Variants in ATXN1 observed in about 807,000 individuals in gnomAD.
ATXN1 encodes the protein ataxin-1.
A neutral mutation model predicts 56.4 loss-of-function variants in ATXN1; 8 were observed. The ratio of observed to expected loss-of-function variants is 0.14; its 90% CI spans 0.08 to 0.26. The LOEUF is 0.26. ATXN1 is among the 10% of genes least tolerant of loss of function. The pLI, the probability that ATXN1 is intolerant of heterozygous loss-of-function variation, is 1.00. For synonymous variants in ATXN1, 514 were observed against 494.6 expected (o/e 1.04, Z -0.52); for missense variants, 987 against 1,106.5 (o/e 0.89, Z 1.53).
At chr6:16,744,358 G>A (rs1157594193) in intron 2 of ATXN1, among the ~76,000 whole-genome samples, 2 of 152,190 alleles carry the variant, frequency 1.3e-5, no homozygotes, top group Non-Finnish European at 2.9e-5. Context: ...AGCCTGCTAC[G>A]TAGCAGAAAT....
At chr6:16,358,013 C>A (rs1197725098) in intron 6 of ATXN1, among the ~76,000 whole-genome samples, 1 of 152,118 alleles carries the variant, frequency 6.6e-6, no homozygotes, top group Non-Finnish European at 1.5e-5. Context: ...AGCACCAGTA[C>A]CCGGGAGGGA....
chr6:16,341,877 A>ATTTTTTTT (rs34092584), intron 6 of ATXN1, among the ~76,000 whole-genome samples: 3 of 86,860 alleles, frequency 3.5e-5, no homozygotes, highest in African/African-American at 9.8e-5. Flanking sequence ...TGTCTCAGTG[A>ATTTTTTTT]TTTTTTTTTT....
At chr6:16,641,394 T>A (rs1763703298) in intron 3 of ATXN1, among the ~76,000 whole-genome samples, 1 of 152,200 alleles carries the variant, frequency 6.6e-6, no homozygotes, top group Non-Finnish European at 1.5e-5. Flanking sequence ...AGCTAGTGAC[T>A]TTAGTTGAAG....
At chr6:16,609,809 G>C (rs1264003416) in intron 3 of ATXN1, among the ~76,000 whole-genome samples, 1 of 152,114 alleles carries the variant, frequency 6.6e-6, no homozygotes, top group Non-Finnish European at 1.5e-5. Flanking sequence ...ACTGGAAATA[G>C]AAACAAGTTT....
chr6:16,705,697 G>C (rs1003537906), intron 2 of ATXN1, among the ~76,000 whole-genome samples: 2 of 152,120 alleles, frequency 1.3e-5, no homozygotes, highest in Non-Finnish European at 2.9e-5. Context: ...CAAGGGGCCT[G>C]TCTGTCCTGG....
chr6:16,440,075 CA>C lies in ATXN1; in HGVS notation c.-161+45896del, dbSNP rs34556179. On this transcript the variant is annotated intron_variant, in intron 6 of 7. Coordinates refer to ENST00000436367, the MANE Select transcript of ATXN1 (RefSeq NM_001128164.2). ...GGGGGACAAGAGCAAGACTTCGTCT[CA>C]AAAAAAAAAAAAAATTGAAGTGGGG... Among the ~76,000 whole-genome samples, 519 of 111,680 alleles carry C rather than the reference CA, an allele frequency of 4.6e-3. 1 individual carries two copies. Among genetic ancestry groups the C allele is most frequent in the African/African-American group, 0.012 (351 of 30,016 alleles). 73.3% of individuals were successfully genotyped at this position (111,680 alleles called of 152,430 possible). A position where few individuals can be genotyped will look rare whatever the true frequency, so the allele number is the denominator to read the frequency against.
At chr6:16,454,253 C>T (rs72823524) in intron 6 of ATXN1, among the ~76,000 whole-genome samples, 2,417 of 151,934 alleles carry the variant, frequency 0.016, 64 homozygotes, top group Middle Eastern at 0.089. Context: ...AGACAAAATC[C>T]CTGCCATCAG....
At chr6:16,375,706 A>G (rs1181784299) in intron 6 of ATXN1, among the ~76,000 whole-genome samples, 1 of 152,044 alleles carries the variant, frequency 6.6e-6, no homozygotes, top group Non-Finnish European at 1.5e-5. Context: ...CTATGATACT[A>G]ATTTAAGAGT....
chr6:16,335,369 A>G (rs549126330), intron 6 of ATXN1, among the ~76,000 whole-genome samples: 2 of 152,344 alleles, frequency 1.3e-5, no homozygotes, highest in South Asian at 4.1e-4. Flanking sequence ...ACAACTTTGT[A>G]GAAGATGCTG....
intron 2 of ATXN1, among the ~76,000 whole-genome samples, chr6:16,744,723 A>G (rs1437047604): frequency 6.6e-6 from 1 of 152,220 alleles, no homozygotes; most frequent in Non-Finnish European, 1.5e-5. Flanking sequence ...AGAAAGAGCT[A>G]TTCCCAGCAA....
intron 4 of ATXN1, among the ~76,000 whole-genome samples, chr6:16,534,394 G>A (rs1447632744): frequency 1.3e-5 from 2 of 150,654 alleles, no homozygotes; most frequent in Non-Finnish European, 3.0e-5. Flanking sequence ...GACTACTAGA[G>A]GAAAAAAAAA....
intron 2 of ATXN1, among the ~76,000 whole-genome samples, chr6:16,732,928 A>G (rs1760024068): frequency 6.6e-6 from 1 of 152,260 alleles, no homozygotes; most frequent in Admixed American, 6.5e-5. Context: ...CTCCATCTAC[A>G]GAATTGTATG....
chr6:16,698,301 T>C (rs918136551), intron 2 of ATXN1, among the ~76,000 whole-genome samples: 1 of 152,226 alleles, frequency 6.6e-6, no homozygotes, highest in Non-Finnish European at 1.5e-5. Flanking sequence ...GAAGCTGAAA[T>C]GAATTTTCTT....
At chr6:16,339,401 T>A (rs2113437068) in intron 6 of ATXN1, among the ~76,000 whole-genome samples, 1 of 152,242 alleles carries the variant, frequency 6.6e-6, no homozygotes, top group East Asian at 1.9e-4. Flanking sequence ...TCCAGATAAT[T>A]CATAAACTAA....
chr6:16,698,835 C>T (rs901117824), intron 2 of ATXN1, among the ~76,000 whole-genome samples: 4 of 152,048 alleles, frequency 2.6e-5, no homozygotes, highest in African/African-American at 9.7e-5. Context: ...AAAATTAGAA[C>T]ATTAGGTTCA....
chr6:16,589,474 A>G (rs1762685529), intron 3 of ATXN1, among the ~76,000 whole-genome samples: 1 of 151,538 alleles, frequency 6.6e-6, no homozygotes, highest in Non-Finnish European at 1.5e-5. Context: ...TCACACACAT[A>G]CACACACGTT....
intron 5 of ATXN1, among the ~76,000 whole-genome samples, chr6:16,498,960 C>T (rs1760828256): frequency 6.6e-6 from 1 of 152,172 alleles, no homozygotes; most frequent in Admixed American, 6.5e-5. Flanking sequence ...TGTCTTTTGA[C>T]TTTCTTGACA....
chr6:16,455,306 G>A (rs1325657501), intron 6 of ATXN1, among the ~76,000 whole-genome samples: 1 of 152,208 alleles, frequency 6.6e-6, no homozygotes, highest in Non-Finnish European at 1.5e-5. Flanking sequence ...GAGATGGCAA[G>A]TAAGCACATA....
chr6:16,333,312 C>T (rs1761033766), intron 6 of ATXN1, among the ~76,000 whole-genome samples: 1 of 152,140 alleles, frequency 6.6e-6, no homozygotes, highest in Non-Finnish European at 1.5e-5. Context: ...ACAAAGGAAG[C>T]TCCACACTTC....
Sources: gnomAD v4.1 joint callset for allele counts (sites outside exome capture counted in the v4.1 genomes callset) on GRCh38, gnomAD v4.1.1 for gene constraint, MANE v1.5 for transcripts, NCBI Gene and HGNC (gene_info 2026-07-23, HGNC 2026-07-21) for gene names.